Variants in CNTNAP5 observed in about 807,000 individuals in gnomAD.
CNTNAP5 encodes the protein contactin associated protein family member 5, also known as contactin-associated protein-like 5.
A neutral mutation model predicts 150.2 loss-of-function variants in CNTNAP5; 72 were observed. The observed-to-expected ratio is 0.48, with a 90% CI of 0.40 to 0.58. The LOEUF is 0.58. Among genes scored for constraint, CNTNAP5 ranks in the 20% least tolerant of loss-of-function variants. CNTNAP5 has a pLI of 0.00. For synonymous variants in CNTNAP5, 672 were observed against 619.8 expected, an observed-to-expected ratio of 1.08 and a Z score of -1.25; for missense variants, 1,636 against 1,626.2, an observed-to-expected ratio of 1.01 and a Z score of -0.10.
intron 1 of CNTNAP5, among the ~76,000 whole-genome samples, chr2:124,181,037 T>A (rs11123026): frequency 0.36 from 52,719 of 148,432 alleles, 9,224 homozygotes; most frequent in East Asian, 0.46. Context: ...AGCCAGAATT[T>A]AAAAAAAAAA....
chr2:124,483,257 T>C (rs1209979353), intron 7 of CNTNAP5, among the ~76,000 whole-genome samples: 1 of 151,900 alleles, frequency 6.6e-6, no homozygotes, highest in Admixed American at 6.6e-5. Context: ...AAACCTGGAG[T>C]TGCTACATTG....
At chr2:124,308,667 AT>A (rs1160270407) in intron 3 of CNTNAP5, among the ~76,000 whole-genome samples, 1 of 152,182 alleles carries the variant, frequency 6.6e-6, no homozygotes, top group Non-Finnish European at 1.5e-5. Context: ...TGAACTGTAG[AT>A]TTATCTTCTA....
rs372282052 is a variant in CNTNAP5 at position 124,275,989 on chromosome 2, G to GT, written c.381+33602dup. On this transcript the variant is annotated intron_variant, in intron 3 of 23. Coordinates refer to ENST00000682447, the MANE Select transcript of CNTNAP5 (RefSeq NM_001367498.1). ...TGTCTAATGTCTGCCAAGTGAAAGGGTTTTTTGTTGTTGTTTTCTTTATTT... is the reference window on the plus strand; with the variant it reads ...TGTCTAATGTCTGCCAAGTGAAAGGGTTTTTTTGTTGTTGTTTTCTTTATTT... Among the ~76,000 whole-genome samples the GT allele has an allele frequency of 2.2e-3, 339 of 152,212 alleles. 1 individual carries two copies. The highest frequency in any genetic ancestry group is 7.9e-3 in the African/African-American group (328 of 41,550).
intron 13 of CNTNAP5, among the ~76,000 whole-genome samples, chr2:124,714,803 A>G (rs557328649): frequency 1.4e-4 from 21 of 152,112 alleles, no homozygotes; most frequent in African/African-American, 2.4e-5. Flanking sequence ...ATACATATAC[A>G]TTTTTTACTT....
intron 7 of CNTNAP5, among the ~76,000 whole-genome samples, chr2:124,503,449 T>G (rs1238409712): frequency 6.6e-6 from 1 of 152,228 alleles, no homozygotes; most frequent in African/African-American, 2.4e-5. Flanking sequence ...CCTTGTGGGA[T>G]CCTTACCTTT....
chr2:124,223,641 G>A (rs569121281), intron 2 of CNTNAP5, among the ~76,000 whole-genome samples: 13 of 151,952 alleles, frequency 8.6e-5, no homozygotes, highest in African/African-American at 2.9e-4. Context: ...AATAGCTCCT[G>A]AGCAGTTTCT....
intron 13 of CNTNAP5, chr2:124,681,053 G>A (rs1679056670): frequency 6.6e-6 from 1 of 151,596 alleles, no homozygotes; most frequent in African/African-American, 2.4e-5. Context: ...GGGAGGTCGA[G>A]GTGTGTGGAT....
At chr2:124,118,253 C>T (rs967673544) in intron 1 of CNTNAP5, among the ~76,000 whole-genome samples, 1 of 151,976 alleles carries the variant, frequency 6.6e-6, no homozygotes, top group African/African-American at 2.4e-5. Flanking sequence ...TATACAAAGC[C>T]TATAAAGCCA....
chr2:124,452,652 C>T (rs902429328), intron 6 of CNTNAP5, among the ~76,000 whole-genome samples: 1 of 152,148 alleles, frequency 6.6e-6, no homozygotes, highest in African/African-American at 2.4e-5. Context: ...CAGGCCCCTG[C>T]AACCTCCACT....
At chr2:124,580,422 G>A (rs1696384997) in intron 11 of CNTNAP5, among the ~76,000 whole-genome samples, 1 of 152,220 alleles carries the variant, frequency 6.6e-6, no homozygotes, top group Non-Finnish European at 1.5e-5. Flanking sequence ...CAGATGCCAA[G>A]CTGTAACCAA....
chr2:124,149,424 A>C (rs1385468880), intron 1 of CNTNAP5, among the ~76,000 whole-genome samples: 2 of 147,906 alleles, frequency 1.4e-5, no homozygotes, highest in Non-Finnish European at 3.0e-5. Flanking sequence ...AAAAAAAAAA[A>C]AACTCAGGAA....
Position 124,510,305 on chromosome 2 carries a change from A to ATATATATATCTATATATCTATATC in CNTNAP5, c.1327+5756_1327+5757insATCTATATATCTATATCTATATAT, listed in dbSNP as rs1558933307. Among the ~76,000 whole-genome samples, 6 of 96,292 alleles carry ATATATATATCTATATATCTATATC rather than the reference A, an allele frequency of 6.2e-5. 1 individual carries two copies. The highest frequency in any genetic ancestry group is 1.8e-4 in the African/African-American group (4 of 21,906). 63.2% of individuals were successfully genotyped at this position (96,292 alleles called of 152,430 possible). On this transcript the variant is annotated intron_variant, in intron 8 of 23. Transcript: ENST00000682447. ...TATATCTATATATCTATATATCTAT[A>ATATATATATCTATATATCTATATC]TATATATCTATATATCTATCTATAT...
intron 22 of CNTNAP5, 93 bp downstream of exon 22, chr2:124,903,193 G>A: frequency 1.3e-6 from 1 of 751,092 alleles, no homozygotes; most frequent in Non-Finnish European, 2.0e-6. Flanking sequence ...TGGCTAATGT[G>A]ACTCAGTTTT....
At chr2:124,040,131 C>T (rs1368949602) in intron 1 of CNTNAP5, among the ~76,000 whole-genome samples, 2 of 152,116 alleles carry the variant, frequency 1.3e-5, no homozygotes, top group Non-Finnish European at 2.9e-5. Context: ...ACATGCTCCA[C>T]CGTGTCTGCT....
chr2:124,553,503 C>CGAAA (rs1695679269), intron 10 of CNTNAP5, among the ~76,000 whole-genome samples: 1 of 119,524 alleles, frequency 8.4e-6, no homozygotes, highest in Non-Finnish European at 1.7e-5. Context: ...GACTCTGTCT[C>CGAAA]AAAAAAAAAA....
At chr2:124,115,793 T>G (rs1202552098) in intron 1 of CNTNAP5, among the ~76,000 whole-genome samples, 1 of 13,802 alleles carries the variant, frequency 7.2e-5, no homozygotes, top group Non-Finnish European at 1.3e-4. Flanking sequence ...CCTGGCTAAT[T>G]GTGTGTGTGT....
rs116234840 is a variant in CNTNAP5 at position 124,261,742 on chromosome 2, G to T, written c.381+19349G>T. ...CTGCAGTGACATTTCCTTATTTCTT[G>T]GCTGTCAAAAACAGAGGCTGTTCAG... On this transcript the variant is annotated intron_variant, in intron 3 of 23. Transcript: ENST00000682447. 4.3e-3 allele frequency among the ~76,000 whole-genome samples: 656 copies of T among 152,228 alleles called. 3 individuals are homozygous for T. Among genetic ancestry groups the T allele is most frequent in the African/African-American group, 0.015 (632 of 41,552 alleles).
intron 1 of CNTNAP5, among the ~76,000 whole-genome samples, chr2:124,177,935 C>T (rs1685109020): frequency 6.6e-6 from 1 of 151,362 alleles, no homozygotes; most frequent in Admixed American, 6.6e-5. Flanking sequence ...CAACCTCTGC[C>T]TCCTGGGTTC....
chr2:124,614,636 C>T (rs532593289), intron 12 of CNTNAP5, among the ~76,000 whole-genome samples: 4 of 152,182 alleles, frequency 2.6e-5, no homozygotes, highest in African/African-American at 9.6e-5. Flanking sequence ...GGGAGTGTCT[C>T]TTAGCATGCT....
Sources: allele counts gnomAD v4.1 joint callset (sites outside exome capture counted in the v4.1 genomes callset), GRCh38; gene constraint gnomAD v4.1.1; transcripts MANE v1.5; gene names NCBI Gene and HGNC (gene_info 2026-07-23, HGNC 2026-07-21).